Variants in GLT8D2 observed in about 807,000 individuals in gnomAD.
The protein encoded by GLT8D2 is glycosyltransferase 8 domain containing 2.
GLT8D2 carries 45 observed loss-of-function variants against 44.5 expected under a neutral mutation model. The ratio of observed to expected loss-of-function variants is 1.01; its 90% CI spans 0.80 to 1.30. The LOEUF (loss-of-function observed/expected upper bound fraction) is 1.30, where lower values mean the gene tolerates loss of function less well. Among genes scored for constraint, GLT8D2 ranks in the 50% most tolerant of loss-of-function variants. The pLI is 0.00. For synonymous variants in GLT8D2, 156 were observed against 157.2 expected, an observed-to-expected ratio of 0.99 and a Z score of 0.06; for missense variants, 400 against 430.4, an observed-to-expected ratio of 0.93 and a Z score of 0.62.
chr12:104,019,741 T>C (rs1030768533), intron 2 of GLT8D2, 65 bp from the exon 3 acceptor site: 9 of 1,029,318 alleles, frequency 8.7e-6, no homozygotes, highest in African/African-American at 1.6e-5. Flanking sequence ...CAACAAGTGT[T>C]AAGGACTATG....
chr12:103,994,639 GTT>G (rs1221105709), intron 8 of GLT8D2, 138 bp from the exon 9 acceptor site: 2 of 704,002 alleles, frequency 2.8e-6, no homozygotes, highest in Admixed American at 3.2e-5. Context: ...TGTTGTTTTT[GTT>G]TTGTTTTGCT....
At chr12:104,060,910 C>G (rs1882590467) in intron 1 of GLT8D2, among the ~76,000 whole-genome samples, 1 of 151,512 alleles carries the variant, frequency 6.6e-6, no homozygotes, top group Non-Finnish European at 1.5e-5. Context: ...ATGACAGAGC[C>G]AGACCTTGTC....
At chr12:104,019,370 C>T (rs1486240218) in intron 3 of GLT8D2, among the ~76,000 whole-genome samples, 2 of 152,036 alleles carry the variant, frequency 1.3e-5, no homozygotes, top group African/African-American at 4.8e-5. Flanking sequence ...TCAACTGACC[C>T]GCCCACCTCA....
At chr12:104,025,421 CTGGTCT>C (rs1878458275) in intron 1 of GLT8D2, among the ~76,000 whole-genome samples, 1 of 151,966 alleles carries the variant, frequency 6.6e-6, no homozygotes, top group Non-Finnish European at 1.5e-5. Flanking sequence ...GTTGCCCAGG[CTGGTCT>C]TGAACTCCTG....
At chr12:104,017,526 T>C (rs749224878) in intron 3 of GLT8D2, among the ~76,000 whole-genome samples, 8 of 152,212 alleles carry the variant, frequency 5.3e-5, no homozygotes, top group Non-Finnish European at 8.8e-5. Context: ...TTTCACCATG[T>C]TGGCCAGGCT....
chr12:104,035,217 G>C (rs912118829), intron 1 of GLT8D2, among the ~76,000 whole-genome samples: 1 of 152,226 alleles, frequency 6.6e-6, no homozygotes, highest in African/African-American at 2.4e-5. Context: ...GGAGAAACCA[G>C]AGCAGAAAAG....
chr12:104,046,828 A>T (rs1221251084), intron 1 of GLT8D2, among the ~76,000 whole-genome samples: 2 of 151,578 alleles, frequency 1.3e-5, no homozygotes, highest in African/African-American at 2.4e-5. Flanking sequence ...CAGGTGTCTT[A>T]CTCCATTTTT....
chr12:104,052,297 T>C (rs369645043), upstream of GLT8D2, among the ~76,000 whole-genome samples: 1 of 152,226 alleles, frequency 6.6e-6, no homozygotes, highest in Non-Finnish European at 1.5e-5. Flanking sequence ...TCCATGTATA[T>C]AGAACTTTGA....
At chr12:104,026,278 C>CA (rs760871849) in intron 1 of GLT8D2, among the ~76,000 whole-genome samples, 1,425 of 78,744 alleles carry the variant, frequency 0.018, 14 homozygotes, top group African/African-American at 0.043. Context: ...GACTCTGTCT[C>CA]AAAAAAAAAA....
At chr12:103,998,436 G>T (rs1384624363) in intron 6 of GLT8D2, among the ~76,000 whole-genome samples, 2 of 151,634 alleles carry the variant, frequency 1.3e-5, no homozygotes, top group Non-Finnish European at 2.9e-5. Context: ...TTGAGACGGA[G>T]TCTCACTCTG....
intron 4 of GLT8D2, chr12:104,012,510 T>C: frequency 3.4e-6 from 1 of 295,156 alleles, no homozygotes; most frequent in Non-Finnish European, 6.2e-6. Context: ...TATCCACTTA[T>C]TTTCCTGAAG....
Position 104,062,084 on chromosome 12 carries a change from T to C in GLT8D2, c.-423+1865A>G, listed in dbSNP as rs186147398. ...CTTTTGGGGTTTTTGTTTGTTTGTTTGTTTTTTAGACTGAGTTTTGTTCTT... is the reference window on the plus strand; with the variant it reads ...CTTTTGGGGTTTTTGTTTGTTTGTTCGTTTTTTAGACTGAGTTTTGTTCTT... On this transcript the variant is annotated intron_variant, in intron 1 of 10. Transcript: ENST00000548660. Among the ~76,000 whole-genome samples, 6 of 152,202 alleles carry C rather than the reference T, an allele frequency of 3.9e-5. No individual in the cohort carries two copies. In the East Asian group the frequency reaches 1.2e-3, roughly 29 times the overall value.
chr12:104,026,672 T>C (rs1283795967), intron 1 of GLT8D2, among the ~76,000 whole-genome samples: 2 of 152,228 alleles, frequency 1.3e-5, no homozygotes, highest in Non-Finnish European at 2.9e-5. Flanking sequence ...CATTTTACTG[T>C]AAAATCTAAA....
intron 4 of GLT8D2, among the ~76,000 whole-genome samples, chr12:104,012,179 A>AT (rs1875926012): frequency 1.3e-5 from 1 of 77,632 alleles, no homozygotes; most frequent in South Asian, 3.9e-4. Context: ...TCAAAAAAAA[A>AT]AAAAAAAAAA....
intron 5 of GLT8D2, among the ~76,000 whole-genome samples, chr12:104,001,441 T>G (rs1164217215): frequency 6.6e-6 from 1 of 152,212 alleles, no homozygotes; most frequent in Non-Finnish European, 1.5e-5. Context: ...TACAACCTTT[T>G]GATAGATATT....
At chr12:104,001,148 G>A (rs12820602) in intron 5 of GLT8D2, among the ~76,000 whole-genome samples, 2 of 152,168 alleles carry the variant, frequency 1.3e-5, no homozygotes, top group Admixed American at 6.5e-5. Flanking sequence ...CATACTATAC[G>A]AGTTATACTG....
chr12:103,994,258 T>C (rs1593527187), intron 9 of GLT8D2, 77 bp downstream of exon 9: 1 of 1,403,868 alleles, frequency 7.1e-7, no homozygotes, highest in Non-Finnish European at 9.7e-7. Flanking sequence ...TTTCTAACCC[T>C]TGAACTATGT....
At chr12:104,030,251 G>C (rs1442337539) in intron 1 of GLT8D2, among the ~76,000 whole-genome samples, 1 of 151,912 alleles carries the variant, frequency 6.6e-6, no homozygotes, top group African/African-American at 2.4e-5. Context: ...TACACAATGG[G>C]GAAAGGATAG....
Position 103,993,398 on chromosome 12 carries a change from G to GCCT in GLT8D2, c.871_873dup (p.Arg291dup). On this transcript the variant is annotated inframe_insertion, in exon 10 of 11. Coordinates refer to ENST00000360814, the MANE Select transcript of GLT8D2 (RefSeq NM_001384711.1). ...GTTTTTCTGAAATACTTACCCAGGT[G>GCCT]CCTTATGTGCCACAGGGGGTTAATT... The GCCT allele has an allele frequency of 6.2e-7, 1 of 1,609,460 alleles. No individual in the cohort carries two copies. The highest frequency in any genetic ancestry group is 1.1e-5 in the South Asian group (1 of 90,994).
Sources: gnomAD v4.1 joint callset for allele counts (sites outside exome capture counted in the v4.1 genomes callset) on GRCh38, gnomAD v4.1.1 for gene constraint, MANE v1.5 for transcripts, NCBI Gene and HGNC (gene_info 2026-07-23, HGNC 2026-07-21) for gene names.